The following SEMA5A variants were observed in gnomAD, a reference collection of about 807,000 sequenced individuals.
SEMA5A encodes the protein semaphorin 5A.
SEMA5A carries 55 observed loss-of-function variants against 135.5 expected under a neutral mutation model. That is an observed-to-expected ratio of 0.41 (90% CI 0.33 to 0.51). The LOEUF is 0.51. Among genes scored for constraint, SEMA5A ranks in the 20% least tolerant of loss-of-function variants. The pLI, the probability that SEMA5A is intolerant of heterozygous loss-of-function variation, is 0.37. For synonymous variants in SEMA5A, 580 were observed against 546.5 expected, an observed-to-expected ratio of 1.06 and a Z score of -0.85; for missense variants, 1,290 against 1,419.9, an observed-to-expected ratio of 0.91 and a Z score of 1.47.
intron 1 of SEMA5A, among the ~76,000 whole-genome samples, chr5:9,532,440 C>CTTTTTT (rs4045370): frequency 3.9e-4 from 49 of 125,086 alleles, no homozygotes; most frequent in East Asian, 7.0e-4. Context: ...TAATTTTTTT[C>CTTTTTT]TTTTTTTTTT....
At chr5:9,076,760 T>C (rs556356716) in intron 16 of SEMA5A, among the ~76,000 whole-genome samples, 1 of 152,186 alleles carries the variant, frequency 6.6e-6, no homozygotes, top group Non-Finnish European at 1.5e-5. Flanking sequence ...AAATGCTTCA[T>C]AAAGCATGCA....
chr5:9,467,381 G>A (rs1487087022), intron 1 of SEMA5A, among the ~76,000 whole-genome samples: 1 of 152,076 alleles, frequency 6.6e-6, no homozygotes, highest in Non-Finnish European at 1.5e-5. Context: ...CAAAGTGCTG[G>A]GATTACAAAC....
intron 16 of SEMA5A, among the ~76,000 whole-genome samples, chr5:9,076,325 T>C (rs1052626475): frequency 2.0e-5 from 3 of 152,086 alleles, no homozygotes; most frequent in African/African-American, 7.2e-5. Flanking sequence ...ATATCACATG[T>C]TTTCACTTAT....
At chr5:9,404,227 C>G (rs1255315762) in intron 2 of SEMA5A, among the ~76,000 whole-genome samples, 1 of 152,020 alleles carries the variant, frequency 6.6e-6, no homozygotes, top group Non-Finnish European at 1.5e-5. Flanking sequence ...AGCCACCATG[C>G]CTGGCCTGTG....
rs1331354641 is a variant in SEMA5A at position 9,162,564 on chromosome 5, G to GTGTGTATATATATA, written c.1274-7870_1274-7869insTATATATATACACA. Among the ~76,000 whole-genome samples the GTGTGTATATATATA allele has an allele frequency of 3.2e-3, 273 of 84,008 alleles. 2 individuals are homozygous for GTGTGTATATATATA. Among genetic ancestry groups the GTGTGTATATATATA allele is most frequent in the African/African-American group, 0.01 (257 of 25,588 alleles). The allele number at this position is 84,008 out of a possible 152,430, so 55.1% of individuals were successfully genotyped here. ...TGTGTGTATATATGTGTGTGTGTGT[G>GTGTGTATATATATA]TATATATATATATATATATATACAC... On this transcript the variant is annotated intron_variant, in intron 11 of 22. Coordinates refer to ENST00000382496, the MANE Select transcript of SEMA5A (RefSeq NM_003966.3).
At chr5:9,237,614 A>G (rs1014602655) in intron 6 of SEMA5A, 1 of 390,202 alleles carries the variant, frequency 2.6e-6, no homozygotes. Context: ...TGATCTTCTT[A>G]TGTTCTGAAT....
chr5:9,327,816 C>A (rs996974302), intron 4 of SEMA5A, among the ~76,000 whole-genome samples: 1 of 152,024 alleles, frequency 6.6e-6, no homozygotes, highest in Non-Finnish European at 1.5e-5. Flanking sequence ...TGATTTATTG[C>A]TCTAAATTTA....
chr5:9,434,970 T>C (rs1431293961), intron 2 of SEMA5A, among the ~76,000 whole-genome samples: 1 of 152,228 alleles, frequency 6.6e-6, no homozygotes, highest in Non-Finnish European at 1.5e-5. Flanking sequence ...TGCCCATCTT[T>C]GTAAATGATA....
chr5:9,401,311 G>A (rs181094194), intron 2 of SEMA5A, among the ~76,000 whole-genome samples: 3 of 152,294 alleles, frequency 2.0e-5, no homozygotes, highest in Admixed American at 6.5e-5. Context: ...TTACTGTACA[G>A]TGTGTTAAGT....
At chr5:9,087,599 T>C (rs1031246859) in intron 16 of SEMA5A, among the ~76,000 whole-genome samples, 1 of 151,954 alleles carries the variant, frequency 6.6e-6, no homozygotes, top group Admixed American at 6.6e-5. Context: ...ATACATTCTT[T>C]AGTTTCTGGC....
intron 1 of SEMA5A, among the ~76,000 whole-genome samples, chr5:9,447,801 T>C (rs1037305455): frequency 5.9e-5 from 9 of 152,194 alleles, no homozygotes; most frequent in African/African-American, 2.2e-4. Context: ...GGGAATGTAA[T>C]GACTTATTTT....
At chr5:9,210,556 G>A (rs1320347174) in intron 8 of SEMA5A, among the ~76,000 whole-genome samples, 4 of 152,168 alleles carry the variant, frequency 2.6e-5, no homozygotes, top group African/African-American at 4.8e-5. Flanking sequence ...TGTGGGCATC[G>A]GGAGAGAGAG....
At chr5:9,351,653 G>A (rs1399348473) in intron 3 of SEMA5A, among the ~76,000 whole-genome samples, 1 of 152,088 alleles carries the variant, frequency 6.6e-6, no homozygotes, top group Non-Finnish European at 1.5e-5. Context: ...ATGCAATCTG[G>A]TTTGCATAAA....
At chr5:9,483,716 C>T (rs1759968439) in intron 1 of SEMA5A, among the ~76,000 whole-genome samples, 1 of 152,160 alleles carries the variant, frequency 6.6e-6, no homozygotes, top group Non-Finnish European at 1.5e-5. Context: ...TTGATTTAAA[C>T]ATTTTTATAT....
chr5:9,355,075 C>A (rs1000095931), intron 3 of SEMA5A, among the ~76,000 whole-genome samples: 3 of 152,124 alleles, frequency 2.0e-5, no homozygotes, highest in Non-Finnish European at 4.4e-5. Flanking sequence ...TTGCAAAGGT[C>A]TGGATAGTAT....
Position 9,385,570 on chromosome 5 carries a change from T to C in SEMA5A, c.-77-5547A>G, listed in dbSNP as rs1805921. The stretch of plus-strand genomic sequence containing the variant: ...ACTTGATGGCATTAGAGACTTGCTT[T>C]GGCAAAAGGACAAAGGAGTCAGGTG... On this transcript the variant is annotated intron_variant, in intron 2 of 22. Transcript: ENST00000382496. Among the ~76,000 whole-genome samples, 749 of 152,238 alleles carry C rather than the reference T, an allele frequency of 4.9e-3. 9 individuals are homozygous for C. Among genetic ancestry groups the C allele is most frequent in the East Asian group, 0.04 (205 of 5,168 alleles).
At chr5:9,470,333 A>T (rs957530831) in intron 1 of SEMA5A, among the ~76,000 whole-genome samples, 8 of 152,160 alleles carry the variant, frequency 5.3e-5, no homozygotes, top group Non-Finnish European at 7.3e-5. Context: ...GGCTCTGGGG[A>T]AATAAACAAA....
chr5:9,428,633 A>G (rs1262030898), intron 2 of SEMA5A, among the ~76,000 whole-genome samples: 4 of 152,348 alleles, frequency 2.6e-5, no homozygotes, highest in South Asian at 2.1e-4. Context: ...GTGATGTTCA[A>G]TTACACTGGA....
At chr5:9,330,317 G>T (rs193285683) in intron 4 of SEMA5A, among the ~76,000 whole-genome samples, 43 of 151,758 alleles carry the variant, frequency 2.8e-4, no homozygotes, top group African/African-American at 8.7e-4. Context: ...GTGAACCCGG[G>T]AGGCGGAGCT....
Sources: allele counts gnomAD v4.1 joint callset (sites outside exome capture counted in the v4.1 genomes callset), GRCh38; gene constraint gnomAD v4.1.1; transcripts MANE v1.5; gene names NCBI Gene and HGNC (gene_info 2026-07-23, HGNC 2026-07-21).